The following VGLL3 variants were observed in gnomAD, a reference collection of about 807,000 sequenced individuals.
VGLL3 encodes transcription cofactor vestigial-like protein 3.
Under a neutral mutation model 29.2 loss-of-function variants are expected in VGLL3, and 18 were observed. The observed-to-expected ratio is 0.62, with a 90% CI of 0.43 to 0.91. The LOEUF is 0.91. Among genes scored for constraint, VGLL3 ranks in the 40% least tolerant of loss-of-function variants. The pLI is 0.00. For synonymous variants in VGLL3, 180 were observed against 151.8 expected, an observed-to-expected ratio of 1.19 and a Z score of -1.36; for missense variants, 440 against 413.2, an observed-to-expected ratio of 1.06 and a Z score of -0.56.
At chr3:86,955,370 C>T (rs1412977197) in intron 3 of VGLL3, among the ~76,000 whole-genome samples, 1 of 149,928 alleles carries the variant, frequency 6.7e-6, no homozygotes, top group Non-Finnish European at 1.5e-5. Flanking sequence ...TTTCATCTCT[C>T]TCTCTCTCTC....
At chr3:86,985,879 G>A (rs961717140) in intron 1 of VGLL3, among the ~76,000 whole-genome samples, 2 of 152,128 alleles carry the variant, frequency 1.3e-5, no homozygotes, top group Non-Finnish European at 2.9e-5. Context: ...CTATGGAAGT[G>A]AGAACCAAGC....
At chr3:86,971,860 C>A (rs189685203) in intron 2 of VGLL3, among the ~76,000 whole-genome samples, 1 of 152,152 alleles carries the variant, frequency 6.6e-6, no homozygotes. Context: ...CACACATCTG[C>A]CACTTTGCTC....
rs1216732527 is a variant in VGLL3, at chr3:86,946,424, A to T, written c.*600T>A. ...AGCTACTTTTGTAAGAAGGAAAAAA[A>T]CAAAACATTTGAGGTAACCTAGAAA... is the stretch of plus-strand genomic sequence containing the variant. On this transcript the variant is annotated 3_prime_UTR_variant, in exon 4 of 4. Coordinates refer to ENST00000398399, the MANE Select transcript of VGLL3 (RefSeq NM_016206.4). The T allele has an allele frequency of 6.6e-6, 1 of 152,214 alleles. No individual in the cohort carries two copies. Among genetic ancestry groups the T allele is most frequent in the East Asian group, 1.9e-4 (1 of 5,194 alleles). The allele number at this position is 152,214 out of a possible 1,614,324, so 9.4% of individuals were successfully genotyped here.
At chr3:86,989,394 G>A (rs979202698) in intron 1 of VGLL3, among the ~76,000 whole-genome samples, 7 of 152,134 alleles carry the variant, frequency 4.6e-5, no homozygotes, top group Non-Finnish European at 1.0e-4. Flanking sequence ...GTACTATTTA[G>A]CAGATGAATC....
rs1249258223 is a variant in VGLL3 at position 86,978,749 on chromosome 3, G to T, written c.180C>A (p.Pro60=). The T allele has an allele frequency of 6.2e-7, 1 of 1,613,746 alleles. No individual in the cohort carries two copies. Among genetic ancestry groups the T allele is most frequent in the South Asian group, 1.1e-5 (1 of 91,004 alleles). The part of the protein sequence containing the change: ...KMQDSLEVTL[P]SKQEEEDEEE... ...CCTCATCCTCCTCCTCTTGTTTGCTGGGAAGGGTGACTTCCAGAGAGTCCT... is the reference window on the plus strand; with the variant it reads ...CCTCATCCTCCTCCTCTTGTTTGCTTGGAAGGGTGACTTCCAGAGAGTCCT... The change falls in exon 2 of 4, where the codon CCC becomes CCA. Residue 60 remains proline (P), a synonymous_variant. Coordinates refer to ENST00000398399, the MANE Select transcript of VGLL3 (RefSeq NM_016206.4).
In VGLL3 at chr3:86,942,918, A is replaced by G. The variant is rs1207926953; in HGVS notation, c.*4106T>C. Reference sequence around the variant, plus strand: ...AAGAGACCTTTGGGAGCTCAATTTAATGAACTACTTACTCAACTGATAGGC... The same window carrying G: ...AAGAGACCTTTGGGAGCTCAATTTAGTGAACTACTTACTCAACTGATAGGC... On this transcript the variant is annotated 3_prime_UTR_variant, in exon 4 of 4. Transcript: ENST00000398399. The G allele has an allele frequency of 6.6e-6, 1 of 152,190 alleles. No homozygotes were observed. The highest frequency in any genetic ancestry group is 1.5e-5 in the Non-Finnish European group (1 of 68,028). The allele number at this position is 152,190 out of a possible 1,614,324, so 9.4% of individuals were successfully genotyped here. A position where few individuals can be genotyped will look rare whatever the true frequency, so the allele number is the denominator to read the frequency against.
rs1704373653 is a variant in VGLL3, at chr3:86,940,539, TAA to T, written c.*6483_*6484del. ...GATGTTGTAATTTCCAAAATATTTATAAGATGCTTAATTGAATAAGGAGGAAA... is the reference window on the plus strand; with the variant it reads ...GATGTTGTAATTTCCAAAATATTTATGATGCTTAATTGAATAAGGAGGAAA... On this transcript the variant is annotated 3_prime_UTR_variant, in exon 4 of 4. Coordinates refer to ENST00000398399, the MANE Select transcript of VGLL3 (RefSeq NM_016206.4). 1 of 152,558 alleles carries T rather than the reference TAA, an allele frequency of 6.6e-6. No homozygotes were observed. Among genetic ancestry groups the T allele is most frequent in the African/African-American group, 2.4e-5 (1 of 41,458 alleles). 9.5% of individuals were successfully genotyped at this position (152,558 alleles called of 1,614,324 possible).
intron 3 of VGLL3, among the ~76,000 whole-genome samples, chr3:86,951,176 A>G (rs1425850973): frequency 6.6e-6 from 1 of 152,212 alleles, no homozygotes; most frequent in East Asian, 1.9e-4. Context: ...GTCTTGGTCA[A>G]GGAAGAGGAT....
In VGLL3 at chr3:86,982,302, G is replaced by T. The variant is rs544835249; in HGVS notation, c.127-3500C>A. Among the ~76,000 whole-genome samples, 3 of 152,138 alleles carry T rather than the reference G, an allele frequency of 2.0e-5. No individual in the cohort carries two copies. In the South Asian group the frequency reaches 6.2e-4, roughly 32 times the overall value. ...TGGGATTACAGGTGCCTGCCACGAT[G>T]CCCAGCTAATTTTTTGTATTTTTCG... On this transcript the variant is annotated intron_variant, in intron 1 of 3. Transcript: ENST00000398399.
chr3:86,962,440 C>A (rs190983232), intron 3 of VGLL3: 18 of 985,074 alleles, frequency 1.8e-5, no homozygotes, highest in Non-Finnish European at 1.8e-5. Flanking sequence ...CTCAGCCCTT[C>A]GGAAAAAATG....
intron 3 of VGLL3, among the ~76,000 whole-genome samples, chr3:86,955,499 C>T (rs1704703260): frequency 6.6e-6 from 1 of 151,388 alleles, no homozygotes; most frequent in South Asian, 2.1e-4. Flanking sequence ...AAGCGATTCT[C>T]ATGCCTCAGC....
At chr3:86,952,926 C>T (rs931802724) in intron 3 of VGLL3, among the ~76,000 whole-genome samples, 3 of 152,066 alleles carry the variant, frequency 2.0e-5, no homozygotes, top group South Asian at 2.1e-4. Flanking sequence ...AATGATCATA[C>T]AATTGCATTT....
intron 2 of VGLL3, among the ~76,000 whole-genome samples, chr3:86,974,774 C>A (rs1470984008): frequency 6.6e-6 from 1 of 152,160 alleles, no homozygotes; most frequent in African/African-American, 2.4e-5. Flanking sequence ...CCCTTTAATA[C>A]TCGGTCAGCA....
intron 1 of VGLL3, among the ~76,000 whole-genome samples, chr3:86,989,210 G>A (rs987105069): frequency 1.3e-5 from 2 of 152,184 alleles, no homozygotes; most frequent in Non-Finnish European, 2.9e-5. Context: ...GTATCTTTCT[G>A]AACATGTAGA....
In VGLL3 at chr3:86,938,630, G is replaced by A. The variant is rs557747591; in HGVS notation, c.*8394C>T. ...TGGAAAGTAAAACAGTTGTGCTTGA[G>A]TGTTGTTTCGAACAAAGTCTTGCAG... On this transcript the variant is annotated 3_prime_UTR_variant, in exon 4 of 4. Coordinates refer to ENST00000398399, the MANE Select transcript of VGLL3 (RefSeq NM_016206.4). 6.6e-6 allele frequency: 1 copy of A among 152,658 alleles called. No homozygotes were observed. Among genetic ancestry groups the A allele is most frequent in the Non-Finnish European group, 1.5e-5 (1 of 68,050 alleles). The allele number at this position is 152,658 out of a possible 1,614,324, so 9.5% of individuals were successfully genotyped here.
At chr3:86,962,276 T>C in intron 3 of VGLL3, 2 of 985,066 alleles carry the variant, frequency 2.0e-6, no homozygotes, top group Non-Finnish European at 2.4e-6. Flanking sequence ...AAAGTAAGAG[T>C]GAGCTCGCAT....
At chr3:86,969,472 C>T (rs1257497212) in intron 2 of VGLL3, among the ~76,000 whole-genome samples, 10 of 152,114 alleles carry the variant, frequency 6.6e-5, no homozygotes, top group Non-Finnish European at 1.2e-4. Context: ...TCATATCTAC[C>T]CACTTCACTG....
intron 3 of VGLL3, 112 bp from the exon 4 acceptor site, chr3:86,947,179 A>C (rs1171812694): frequency 1.4e-6 from 1 of 712,816 alleles, no homozygotes; most frequent in African/African-American, 1.7e-5. Flanking sequence ...AATCCAGGCA[A>C]CTGTGAGTTC....
chr3:86,978,250 C>A (rs933061219), intron 2 of VGLL3, among the ~76,000 whole-genome samples: 5 of 152,186 alleles, frequency 3.3e-5, no homozygotes, highest in African/African-American at 1.2e-4. Context: ...AGGAATGGTA[C>A]TTCGCAGCTC....
Sources: gnomAD v4.1 joint callset for allele counts (sites outside exome capture counted in the v4.1 genomes callset) on GRCh38, gnomAD v4.1.1 for gene constraint, MANE v1.5 for transcripts, NCBI Gene and HGNC (gene_info 2026-07-23, HGNC 2026-07-21) for gene names.